MGST1: variants seen among roughly 807,000 people sequenced by gnomAD.
MGST1 encodes glutathione S-transferase 12.
A neutral mutation model predicts 8.9 loss-of-function variants in MGST1; 5 were observed. The ratio of observed to expected loss-of-function variants is 0.56; its 90% CI spans 0.29 to 1.19. MGST1 has a LOEUF of 1.19. Among genes scored for constraint, MGST1 ranks in the 50% most tolerant of loss-of-function variants. MGST1 has a pLI of 0.08. For missense variants in MGST1, 182 were observed against 187.4 expected, an observed-to-expected ratio of 0.97 and a Z score of 0.17; for synonymous variants, 54 against 67.8, an observed-to-expected ratio of 0.80 and a Z score of 1.00.
chr12:16,520,944 G>T (rs1485151763), intron 4 of MGST1, among the ~76,000 whole-genome samples: 1 of 152,030 alleles, frequency 6.6e-6, no homozygotes, highest in Non-Finnish European at 1.5e-5. Flanking sequence ...TGGTATTCAG[G>T]TCTTTTCAGG....
At chr12:16,421,843 G>A (rs1940838815) in intron 1 of MGST1, among the ~76,000 whole-genome samples, 1 of 152,080 alleles carries the variant, frequency 6.6e-6, no homozygotes, top group Non-Finnish European at 1.5e-5. Flanking sequence ...ATGAATAACT[G>A]CCCCTTCCAG....
At position 16,361,645 on chromosome 12, in the gene MGST1, G is replaced by A. The variant is rs1413125560; in HGVS notation, c.222-2150G>A. ...GAAGGGTGATAGTGCACTGCAGCAGGTGCTCACAGGGAAAGCTGGGGAACT... is the reference window on the plus strand; with the variant it reads ...GAAGGGTGATAGTGCACTGCAGCAGATGCTCACAGGGAAAGCTGGGGAACT... On this transcript the variant is annotated intron_variant, in intron 3 of 3. Coordinates refer to ENST00000396210, the MANE Select transcript of MGST1 (RefSeq NM_020300.5). This position sits in a 1 kb window ranked among gnomAD's most constrained non-coding sequence, Gnocchi z 4.2. 6.6e-6 allele frequency among the ~76,000 whole-genome samples: 1 copy of A among 152,150 alleles called. No homozygotes were observed. The highest frequency in any genetic ancestry group is 2.4e-5 in the African/African-American group (1 of 41,442).
chr12:16,429,082 A>T (rs1325925384), intron 1 of MGST1, among the ~76,000 whole-genome samples: 1 of 152,052 alleles, frequency 6.6e-6, no homozygotes, highest in African/African-American at 2.4e-5. Context: ...AAACATTGTT[A>T]AATTTTTTGA....
At chr12:16,588,836 G>A (rs758084908) in intron 4 of MGST1, among the ~76,000 whole-genome samples, 2 of 151,946 alleles carry the variant, frequency 1.3e-5, no homozygotes, top group Non-Finnish European at 2.9e-5. Context: ...TTCTCCTCAT[G>A]TTTAATTTCT....
intron 1 of MGST1, among the ~76,000 whole-genome samples, chr12:16,388,198 A>C (rs1940521936): frequency 6.6e-6 from 1 of 151,956 alleles, no homozygotes; most frequent in Non-Finnish European, 1.5e-5. Flanking sequence ...ACTGTACTGA[A>C]TACTGTAGGC....
At position 16,548,925 on chromosome 12, in the gene MGST1, A is replaced by C. The variant is rs2137226950; in HGVS notation, n.483-40603A>C. The C allele has an allele frequency of 6.6e-6, 1 of 152,282 alleles. No homozygotes were observed. The highest frequency in any genetic ancestry group is 1.9e-4 in the East Asian group (1 of 5,182). The allele number at this position is 152,282 out of a possible 1,614,324, so 9.4% of individuals were successfully genotyped here. ...TCTCAGCATATTATGTAAAAGAAAAAGCAGTGAAAACCTTGTTTGGTCTTC... is the reference window on the plus strand; with the variant it reads ...TCTCAGCATATTATGTAAAAGAAAACGCAGTGAAAACCTTGTTTGGTCTTC... On this transcript the variant is annotated intron_variant and non_coding_transcript_variant, in intron 4 of 4. Transcript: ENST00000538857. This position sits in a 1 kb window ranked among gnomAD's most constrained non-coding sequence, Gnocchi z 4.2.
chr12:16,402,508 C>G (rs1940666638), intron 1 of MGST1: 1 of 1,148,276 alleles, frequency 8.7e-7, no homozygotes, highest in Non-Finnish European at 1.3e-6. Flanking sequence ...ATCCCGCACT[C>G]TTATTCTTGG....
intron 4 of MGST1, among the ~76,000 whole-genome samples, chr12:16,542,276 T>G (rs1365544711): frequency 1.3e-5 from 2 of 152,188 alleles, no homozygotes; most frequent in African/African-American, 4.8e-5. Flanking sequence ...CTGGTCCATA[T>G]GCTGTTAGTA....
chr12:16,432,711 CACA>C (rs1473688515), intron 1 of MGST1, among the ~76,000 whole-genome samples: 1 of 146,378 alleles, frequency 6.8e-6, no homozygotes, highest in African/African-American at 2.5e-5. Flanking sequence ...CACACACACA[CACA>C]CACACACACA....
chr12:16,516,269 T>C (rs904002676), intron 4 of MGST1, among the ~76,000 whole-genome samples: 2 of 152,232 alleles, frequency 1.3e-5, no homozygotes, highest in Non-Finnish European at 2.9e-5. Context: ...TAACCCACTA[T>C]ATTTTCTGAA....
Position 16,513,888 on chromosome 12 carries a change from C to T in MGST1, n.483-75640C>T, listed in dbSNP as rs887229413. ...CCTGGGGAAGTCGCACACCCATCTT[C>T]AGGGATACTGGCATGCAGCTACAAG... On this transcript the variant is annotated intron_variant and non_coding_transcript_variant, in intron 4 of 4. Coordinates refer to the MGST1 transcript ENST00000538857. The surrounding 1 kb of genome is among the most constrained non-coding windows in gnomAD (Gnocchi z 4.2). The T allele has an allele frequency of 5.0e-6, 3 of 603,184 alleles. No individual in the cohort carries two copies. Among genetic ancestry groups the T allele is most frequent in the Non-Finnish European group, 9.6e-6 (3 of 312,154 alleles). The allele number at this position is 603,184 out of a possible 1,614,324, so 37.4% of individuals were successfully genotyped here.
Position 16,401,053 on chromosome 12 carries a change from G to A in MGST1, n.778+17449G>A. The stretch of plus-strand genomic sequence containing the variant: ...TCCTGTTCTTTCTGTAAGTAATGCT[G>A]CCCGAGAACCTCTTCCCAAAAGGTC... On this transcript the variant is annotated intron_variant and non_coding_transcript_variant, in intron 1 of 1. Coordinates refer to the MGST1 transcript ENST00000359720. The surrounding 1 kb of genome is among the most constrained non-coding windows in gnomAD (Gnocchi z 4.3). 6.3e-7 allele frequency: 1 copy of A among 1,592,416 alleles called. No individual in the cohort carries two copies.
intron 4 of MGST1, among the ~76,000 whole-genome samples, chr12:16,483,611 CT>C (rs1358631171): frequency 6.6e-6 from 1 of 151,926 alleles, no homozygotes; most frequent in Non-Finnish European, 1.5e-5. Context: ...AAAAATCAAC[CT>C]TATTGATAAA....
chr12:16,494,696 T>C (rs1398425206), intron 4 of MGST1, among the ~76,000 whole-genome samples: 1 of 152,160 alleles, frequency 6.6e-6, no homozygotes, highest in Non-Finnish European at 1.5e-5. Flanking sequence ...TATGTGTTAG[T>C]ATTTTGCAGA....
intron 4 of MGST1, among the ~76,000 whole-genome samples, chr12:16,447,208 C>T (rs1007624207): frequency 6.6e-6 from 1 of 151,866 alleles, no homozygotes; most frequent in Non-Finnish European, 1.5e-5. Context: ...AATAAACTCT[C>T]CTTTATCTAG....
intron 4 of MGST1, among the ~76,000 whole-genome samples, chr12:16,561,485 A>G (rs1020814559): frequency 6.6e-6 from 1 of 152,152 alleles, no homozygotes; most frequent in African/African-American, 2.4e-5. Flanking sequence ...GGAAAATATA[A>G]TGGCTCTCAT....
At chr12:16,440,983 T>A (rs1473103708), downstream of MGST1, among the ~76,000 whole-genome samples, 1 of 151,820 alleles carries the variant, frequency 6.6e-6, no homozygotes, top group Non-Finnish European at 1.5e-5. Context: ...TGTTAGTAAA[T>A]TAGTCATTAT....
chr12:16,441,679 A>G (rs1000642897), downstream of MGST1, among the ~76,000 whole-genome samples: 1 of 151,598 alleles, frequency 6.6e-6, no homozygotes, highest in Non-Finnish European at 1.5e-5. Context: ...ATTTCTTTTT[A>G]GTGCTGAATA....
In MGST1 at chr12:16,547,035, A is replaced by C. The variant is rs756301829; in HGVS notation, n.483-42493A>C. Among the ~76,000 whole-genome samples, 1 of 152,166 alleles carries C rather than the reference A, an allele frequency of 6.6e-6. No homozygotes were observed. Among genetic ancestry groups the C allele is most frequent in the Non-Finnish European group, 1.5e-5 (1 of 68,028 alleles). On this transcript the variant is annotated intron_variant and non_coding_transcript_variant, in intron 4 of 4. Coordinates refer to the MGST1 transcript ENST00000538857. The surrounding 1 kb of genome is among the most constrained non-coding windows in gnomAD (Gnocchi z 4.6). ...ACGAAAGTCTTACATCTTGATTATA[A>C]AAGTAAAAATATACCTTTCTGAATA...
Sources: allele counts gnomAD v4.1 joint callset (sites outside exome capture counted in the v4.1 genomes callset), GRCh38; gene constraint gnomAD v4.1.1; non-coding constraint Gnocchi (gnomAD v3.1); transcripts MANE v1.5; gene names NCBI Gene and HGNC (gene_info 2026-07-23, HGNC 2026-07-21).